The following TRIP4 variants were observed in gnomAD, a reference collection of about 807,000 sequenced individuals.
TRIP4 encodes thyroid hormone receptor interactor 4, also known as activating signal cointegrator 1.
In TRIP4, 54 loss-of-function variants were observed where a neutral mutation model predicts 81.8. That is an observed-to-expected ratio of 0.66 (90% CI 0.53 to 0.83). The LOEUF (loss-of-function observed/expected upper bound fraction) is 0.83. Among genes scored for constraint, TRIP4 ranks in the 40% least tolerant of loss-of-function variants. The pLI is 0.00. For synonymous variants in TRIP4, 270 were observed against 242.8 expected (o/e 1.11, Z -1.04); for missense variants, 662 against 683.6 (o/e 0.97, Z 0.35).
At chr15:64,403,963 G>A (rs1891568433) in intron 5 of TRIP4, among the ~76,000 whole-genome samples, 2 of 151,880 alleles carry the variant, frequency 1.3e-5, no homozygotes, top group South Asian at 2.1e-4. Flanking sequence ...AGGCCGAGAC[G>A]GGCGGATCAC....
intron 4 of TRIP4, 91 bp downstream of exon 4, chr15:64,397,909 T>C: frequency 1.4e-6 from 2 of 1,449,594 alleles, no homozygotes; most frequent in South Asian, 2.7e-5. Context: ...TTTTTTGTTT[T>C]TTTTTGGTTG....
chr15:64,419,188 CTATT>C (rs1354224990), intron 9 of TRIP4, among the ~76,000 whole-genome samples: 1 of 152,094 alleles, frequency 6.6e-6, no homozygotes, highest in Admixed American at 6.6e-5. Flanking sequence ...ATATATCTAA[CTATT>C]AATCTGGCTA....
At chr15:64,419,715 T>G (rs781595358) in intron 9 of TRIP4, among the ~76,000 whole-genome samples, 1 of 152,166 alleles carries the variant, frequency 6.6e-6, no homozygotes, top group African/African-American at 2.4e-5. Flanking sequence ...TTATTATCCA[T>G]GTAAATGGAA....
chr15:64,407,417 C>T (rs1269185047), intron 6 of TRIP4, among the ~76,000 whole-genome samples: 4 of 152,004 alleles, frequency 2.6e-5, no homozygotes, highest in Non-Finnish European at 2.9e-5. Context: ...CCTGTAATCC[C>T]GGCACTTGGG....
At chr15:64,430,403 C>A (rs1892242267) in intron 11 of TRIP4, among the ~76,000 whole-genome samples, 1 of 152,224 alleles carries the variant, frequency 6.6e-6, no homozygotes, top group Admixed American at 6.5e-5. Flanking sequence ...TTTTATCTGC[C>A]AGCAGCAGAT....
At chr15:64,412,618 C>T (rs1188586489) in intron 7 of TRIP4, among the ~76,000 whole-genome samples, 1 of 147,490 alleles carries the variant, frequency 6.8e-6, no homozygotes, top group Admixed American at 6.9e-5. Flanking sequence ...TTTAAGCTGC[C>T]TTATATATGA....
intron 1 of TRIP4, chr15:64,393,326 G>GT (rs1555408702): frequency 0.016 from 1,806 of 114,358 alleles, 15 homozygotes; most frequent in African/African-American, 0.019. Flanking sequence ...ATTTTTTTTT[G>GT]TTTTTTTTTT....
rs1051462616 is a variant in TRIP4, at chr15:64,395,906, A to G, written c.405+375A>G. ...CAGGCATGCGCCACCATACCCAGCT[A>G]ATTTTCTTTTTTTTTTTTTTGAGAC... On this transcript the variant is annotated intron_variant, in intron 3 of 12. Transcript: ENST00000261884. 3.5e-5 allele frequency among the ~76,000 whole-genome samples: 3 copies of G among 86,888 alleles called. No individual in the cohort carries two copies. In the Admixed American group the frequency reaches 5.1e-4, roughly 15 times the overall value. The allele number at this position is 86,888 out of a possible 152,430, so 57.0% of individuals were successfully genotyped here.
At chr15:64,388,668 G>A (rs1007175344) in intron 1 of TRIP4, among the ~76,000 whole-genome samples, 20 of 152,314 alleles carry the variant, frequency 1.3e-4, no homozygotes, top group African/African-American at 4.6e-4. Context: ...AACAGGGTCA[G>A]CTGTGTCAAT....
In TRIP4 at chr15:64,418,803, A is replaced by G. The variant is rs1891944681; in HGVS notation, c.1358+75A>G. On this transcript the variant is annotated intron_variant, in intron 9 of 12. Transcript: ENST00000261884. Reference sequence around the variant, plus strand: ...ATTTAATTTAGAAATATGAATTGGAATTAGTTTTCCTCAATCTAGTGATGA... The same window carrying G: ...ATTTAATTTAGAAATATGAATTGGAGTTAGTTTTCCTCAATCTAGTGATGA... 3.6e-6 allele frequency: 5 copies of G among 1,390,002 alleles called. No individual in the cohort carries two copies. In the South Asian group the frequency reaches 6.2e-5, roughly 17 times the overall value. The allele number at this position is 1,390,002 out of a possible 1,614,324, so 86.1% of individuals were successfully genotyped here.
intron 1 of TRIP4, among the ~76,000 whole-genome samples, chr15:64,388,725 T>A (rs1302058230): frequency 6.6e-6 from 1 of 152,210 alleles, no homozygotes. Context: ...TACAAATAGC[T>A]TCTGACTCTG....
chr15:64,387,844 G>A lies in TRIP4; in HGVS notation c.-20G>A. The A allele has an allele frequency of 3.9e-6, 6 of 1,540,504 alleles. No individual in the cohort carries two copies. Among genetic ancestry groups the A allele is most frequent in the Non-Finnish European group, 5.2e-6 (6 of 1,146,042 alleles). On this transcript the variant is annotated 5_prime_UTR_variant, in exon 1 of 13. Coordinates refer to ENST00000261884, the MANE Select transcript of TRIP4 (RefSeq NM_016213.5). ...CAGGACGTGGGGCTTTTGCAGCTCA[G>A]CTGGTTCCGGCTGGGGAAGATGGCG...
chr15:64,451,604 T>A (rs999298069), intron 12 of TRIP4, among the ~76,000 whole-genome samples: 97 of 151,552 alleles, frequency 6.4e-4, no homozygotes, highest in African/African-American at 2.3e-3. Context: ...CCCAAGTAGC[T>A]GGGACTATAG....
At chr15:64,418,872 A>G in intron 9 of TRIP4, 144 bp downstream of exon 9, 2 of 733,138 alleles carry the variant, frequency 2.7e-6, no homozygotes, top group Non-Finnish European at 2.0e-6. Context: ...CAACATATTC[A>G]TGTTACTGAC....
chr15:64,439,976 C>G (rs1892481314), intron 11 of TRIP4, among the ~76,000 whole-genome samples: 2 of 151,862 alleles, frequency 1.3e-5, no homozygotes, highest in Non-Finnish European at 2.9e-5. Flanking sequence ...GTGAAAATGC[C>G]CATTTTCCAC....
intron 5 of TRIP4, 46 bp downstream of exon 5, chr15:64,400,867 T>C: frequency 6.9e-7 from 1 of 1,456,168 alleles, no homozygotes; most frequent in Non-Finnish European, 9.6e-7. Context: ...ATGGGTACCT[T>C]GTTGCGTCTG....
At chr15:64,388,241 T>C (rs911192832) in intron 1 of TRIP4, among the ~76,000 whole-genome samples, 4 of 152,136 alleles carry the variant, frequency 2.6e-5, no homozygotes, top group Non-Finnish European at 4.4e-5. Flanking sequence ...CCAGTTTCCT[T>C]TCTAGAGAGA....
intron 9 of TRIP4, among the ~76,000 whole-genome samples, chr15:64,421,032 G>A (rs1187715620): frequency 6.6e-6 from 1 of 151,344 alleles, no homozygotes; most frequent in Admixed American, 6.6e-5. Flanking sequence ...AATACCGGCC[G>A]GTCACGGTGG....
intron 8 of TRIP4, among the ~76,000 whole-genome samples, chr15:64,414,512 C>CTTTTTTTTTTTTTTTTTTTTTTTTTTTT (rs869202504): frequency 2.3e-5 from 2 of 87,026 alleles, no homozygotes; most frequent in Non-Finnish European, 4.1e-5. Flanking sequence ...TGCTCTTTCT[C>CTTTTTTTTTTTTTTTTTTTTTTTTTTTT]TTTTTTTTTT....
Sources: allele counts gnomAD v4.1 joint callset (sites outside exome capture counted in the v4.1 genomes callset), GRCh38; gene constraint gnomAD v4.1.1; transcripts MANE v1.5; gene names NCBI Gene and HGNC (gene_info 2026-07-23, HGNC 2026-07-21).